The following CUL9 variants were observed in gnomAD, a reference collection of about 807,000 sequenced individuals.
CUL9 encodes the protein cullin-9.
Under a neutral mutation model 272.6 loss-of-function variants are expected in CUL9, and 79 were observed. That is an observed-to-expected ratio of 0.29 (90% CI 0.24 to 0.35). The LOEUF (loss-of-function observed/expected upper bound fraction) is 0.35. Ranked by LOEUF, CUL9 falls within the 10% of genes least tolerant of loss-of-function variation. The pLI, the probability that CUL9 is intolerant of heterozygous loss-of-function variation, is 1.00. For synonymous variants in CUL9, 1,186 were observed against 1,286.5 expected (o/e 0.92, Z 1.67); for missense variants, 2,532 against 3,255.6 (o/e 0.78, Z 5.41).
chr6:43,203,963 C>T lies in CUL9; in HGVS notation c.4135C>T (p.Leu1379=). Residue 1379 remains leucine, a synonymous_variant, in exon 20 of 41, where the codon CTG becomes TTG. Coordinates refer to ENST00000252050, the MANE Select transcript of CUL9 (RefSeq NM_015089.4). The surrounding 1 kb of genome is among the most constrained non-coding windows in gnomAD (Gnocchi z 5.0). The part of the protein sequence containing the change: ...KTCWEALVSP[L]VQNITSPDAE... ...CTGCTGGGAGGCCCTGGTCAGCCCC[C>T]TGGTGCAGAACATCACCTCTCCCGG... is the stretch of plus-strand genomic sequence containing the variant. 2 of 1,608,670 alleles carry T rather than the reference C, an allele frequency of 1.2e-6. No individual in the cohort carries two copies. Among genetic ancestry groups the T allele is most frequent in the South Asian group, 1.1e-5 (1 of 90,828 alleles).
chr6:43,206,029 C>A lies in CUL9; in HGVS notation c.4816C>A (p.Leu1606Met). Residue 1606 changes from leucine (L) to methionine (M), a missense_variant, in exon 25 of 41, where the codon CTG becomes ATG. Leu to Met is a conservative substitution (Grantham distance 15, BLOSUM62 2). Transcript: ENST00000252050. The surrounding 1 kb of genome is among the most constrained non-coding windows in gnomAD (Gnocchi z 4.8). Reference protein sequence around the residue: ...FYQHYMADRLLSFGSSWLEGA... With the variant: ...FYQHYMADRLMSFGSSWLEGA... ...CAGGCATTATATGGCGGACCGTCTC[C>A]TGAGCTTTGGTTCGAGCTGGCTGGA... The A allele has an allele frequency of 6.2e-7, 1 of 1,613,982 alleles. No homozygotes were observed. The highest frequency in any genetic ancestry group is 8.5e-7 in the Non-Finnish European group (1 of 1,179,880).
chr6:43,210,043 T>C (rs1775350844), intron 26 of CUL9, among the ~76,000 whole-genome samples: 1 of 152,144 alleles, frequency 6.6e-6, no homozygotes, highest in Admixed American at 6.6e-5. Context: ...AATGGTGCGA[T>C]CTCAGCTCAC....
Position 43,213,809 on chromosome 6 carries a change from G to C in CUL9, c.5585G>C (p.Gly1862Ala), listed in dbSNP as rs1220015937. The change falls in exon 29 of 41, where the codon GGC becomes GCC. Residue 1862 changes from glycine (G) to alanine (A), a missense_variant. Around this residue, in one of 3 missense-constraint regions of CUL9, gnomAD observed 2,218 missense variants for 2,788.6 expected, o/e 0.80. Coordinates refer to ENST00000252050, the MANE Select transcript of CUL9 (RefSeq NM_015089.4). This position sits in a 1 kb window ranked among gnomAD's most constrained non-coding sequence, Gnocchi z 5.7. ...TACCTGAACGTAGAGAAGGATGAAGGCCGAACCCTGGAACAGAAGAGGAAT... is the reference window on the plus strand; with the variant it reads ...TACCTGAACGTAGAGAAGGATGAAGCCCGAACCCTGGAACAGAAGAGGAAT... Reference protein sequence around the residue: ...QAYLNVEKDEGRTLEQKRNLL... With the variant: ...QAYLNVEKDEARTLEQKRNLL... 31 of 1,614,188 alleles carry C rather than the reference G, an allele frequency of 1.9e-5. No homozygotes were observed. The highest frequency in any genetic ancestry group is 2.4e-5 in the Non-Finnish European group (28 of 1,180,038).
chr6:43,215,245 C>T lies in CUL9; in HGVS notation c.5855C>T (p.Ala1952Val), dbSNP rs867850756. ...GACCGGCCCCAGATCCTGATGTATGCCGCTCCAGAGCCCATGGGGCCCTGC... is the reference window on the plus strand; with the variant it reads ...GACCGGCCCCAGATCCTGATGTATGTCGCTCCAGAGCCCATGGGGCCCTGC... ...RDDRPQILMY[A>V]APEPMGPCRG... is the part of the protein sequence containing the mutation. The change falls in exon 30 of 41, where the codon GCC (alanine) becomes GTC (valine). Residue 1952 changes from alanine (A) to valine (V), a missense_variant. Physicochemically the swap from Ala to Val is moderately conservative, Grantham distance 64. This residue lies in a region of CUL9 where 2,218 missense variants were observed against 2,788.6 expected (regional missense o/e 0.80). Transcript: ENST00000252050. 2 of 1,614,170 alleles carry T rather than the reference C, an allele frequency of 1.2e-6. No individual in the cohort carries two copies. The highest frequency in any genetic ancestry group is 1.7e-6 in the Non-Finnish European group (2 of 1,180,032).
In CUL9 at chr6:43,223,395, C is replaced by A; in HGVS notation, c.7282C>A (p.Gln2428Lys). 1 of 1,594,182 alleles carries A rather than the reference C, an allele frequency of 6.3e-7. No homozygotes were observed. The highest frequency in any genetic ancestry group is 8.5e-7 in the Non-Finnish European group (1 of 1,169,750). ...RLLAILQHSA[Q>K]DFRVGLQSPS... ...GCTTGCCATCCTGCAGCATTCTGCCCAGGTACTGCCCGGCCCAGACCCCTT... is the reference window on the plus strand; with the variant it reads ...GCTTGCCATCCTGCAGCATTCTGCCAAGGTACTGCCCGGCCCAGACCCCTT... Residue 2428 changes from glutamine (Q) to lysine (K), a missense_variant and splice_region_variant, in exon 39 of 41, where the codon CAG becomes AAG. Coordinates refer to ENST00000252050, the MANE Select transcript of CUL9 (RefSeq NM_015089.4). The surrounding 1 kb of genome is among the most constrained non-coding windows in gnomAD (Gnocchi z 4.1).
Position 43,203,231 on chromosome 6 carries a change from G to A in CUL9, c.3849+27G>A. 1 of 1,610,108 alleles carries A rather than the reference G, an allele frequency of 6.2e-7. No homozygotes were observed. The highest frequency in any genetic ancestry group is 8.5e-7 in the Non-Finnish European group (1 of 1,176,470). On this transcript the variant is annotated intron_variant, in intron 18 of 40. Transcript: ENST00000252050. The surrounding 1 kb of genome is among the most constrained non-coding windows in gnomAD (Gnocchi z 5.0). Reference sequence around the variant, plus strand: ...TGGTGTTAGGGTGTCAGCCAGGGCTGAGGAGGAGGAGGTGGCACACAAGTT... The same window carrying A: ...TGGTGTTAGGGTGTCAGCCAGGGCTAAGGAGGAGGAGGTGGCACACAAGTT...
intron 8 of CUL9, among the ~76,000 whole-genome samples, chr6:43,190,152 G>A (rs1052599883): frequency 6.6e-6 from 1 of 151,984 alleles, no homozygotes; most frequent in African/African-American, 2.4e-5. Flanking sequence ...GTGTTCTAAC[G>A]CGTCTGTTTT....
chr6:43,201,800 G>A (rs375222204), intron 16 of CUL9, among the ~76,000 whole-genome samples: 3 of 152,308 alleles, frequency 2.0e-5, no homozygotes, highest in African/African-American at 7.2e-5. Flanking sequence ...ATGTCTAAGT[G>A]GCGGAAGATA....
rs1014046800 is a variant in CUL9 at position 43,187,867 on chromosome 6, C to A, written c.1736C>A (p.Pro579Gln). ...YTKYGLLSNE[P>Q]SSSSTSRNHS... ...AAGTATGGGCTGCTGTCTAATGAAC[C>A]AAGCAGCTCGTCTACTTCACGAAAT... The change falls in exon 7 of 41, where the codon CCA (proline) becomes CAA (glutamine). Residue 579 changes from proline (P) to glutamine (Q), a missense_variant. Around this residue, in one of 3 missense-constraint regions of CUL9, gnomAD observed 2,218 missense variants for 2,788.6 expected, o/e 0.80. Transcript: ENST00000252050. The A allele has an allele frequency of 6.2e-7, 1 of 1,614,030 alleles. No individual in the cohort carries two copies.
chr6:43,198,915 CT>C (rs1259368530), intron 12 of CUL9, 60 bp downstream of exon 12: 39 of 1,522,640 alleles, frequency 2.6e-5, no homozygotes, highest in Non-Finnish European at 3.3e-5. Context: ...ACTTCAGGGA[CT>C]TCACTTGTTT....
chr6:43,200,098 A>G lies in CUL9; in HGVS notation c.3326A>G (p.Glu1109Gly), dbSNP rs376804107. Residue 1109 changes from glutamate (E) to glycine (G), a missense_variant, in exon 14 of 41, where the codon GAG becomes GGG. Glu to Gly is a moderately conservative substitution (Grantham distance 98). Transcript: ENST00000252050. This position sits in a 1 kb window ranked among gnomAD's most constrained non-coding sequence, Gnocchi z 4.0. ...CTTCGGGACCTGGTGACAGAGTGTG[A>G]GAAGTACGCACAGCTCTATAGCAAC... is the stretch of plus-strand genomic sequence containing the variant. ...CELRDLVTEC[E>G]KYAQLYSNLT... 3.1e-6 allele frequency: 5 copies of G among 1,614,068 alleles called. No individual in the cohort carries two copies. The highest frequency in any genetic ancestry group is 1.3e-5 in the African/African-American group (1 of 74,930).
At chr6:43,193,483 C>G (rs1398860550) in intron 9 of CUL9, among the ~76,000 whole-genome samples, 1 of 152,210 alleles carries the variant, frequency 6.6e-6, no homozygotes, top group African/African-American at 2.4e-5. Context: ...ATCCTCCCAC[C>G]TCAGCCTCCC....
intron 3 of CUL9, 46 bp from the exon 4 acceptor site, chr6:43,185,909 T>C (rs763215576): frequency 1.9e-6 from 3 of 1,548,066 alleles, no homozygotes; most frequent in Non-Finnish European, 2.6e-6. Context: ...GGGGAGAGGC[T>C]AAAGCCAGGA....
rs1776327432 is a variant in CUL9 at position 43,221,096 on chromosome 6, T to C, written c.6589-62T>C. On this transcript the variant is annotated intron_variant, in intron 33 of 40. Transcript: ENST00000252050. This position sits in a 1 kb window ranked among gnomAD's most constrained non-coding sequence, Gnocchi z 4.2. ...TCTGTGCCTGCTCCCCTCTCTCCTG[T>C]GCACACCAGCCATGCTGCCCTCACG... The C allele has an allele frequency of 6.3e-7, 1 of 1,578,742 alleles. No individual in the cohort carries two copies. Among genetic ancestry groups the C allele is most frequent in the Admixed American group, 1.8e-5 (1 of 56,530 alleles).
intron 29 of CUL9, among the ~76,000 whole-genome samples, chr6:43,214,393 G>A (rs1363401814): frequency 1.3e-5 from 2 of 152,140 alleles, no homozygotes; most frequent in African/African-American, 4.8e-5. Context: ...CCCCAGCCTG[G>A]GCAACAGAGC....
At position 43,204,818 on chromosome 6, in the gene CUL9, G is replaced by A. The variant is rs771914412; in HGVS notation, c.4410G>A (p.Arg1470=). 6.2e-7 allele frequency: 1 copy of A among 1,614,222 alleles called. No homozygotes were observed. Among genetic ancestry groups the A allele is most frequent in the Non-Finnish European group, 8.5e-7 (1 of 1,180,040 alleles). ...CAGTGCTTCCAAGCAGCAGCCTGAG[G>A]AACATAACCCAGTGCTGGCTGAGCG... is the stretch of plus-strand genomic sequence containing the variant. ...PSPVLPSSSL[R]NITQCWLSVV... is the part of the protein sequence containing the mutation. The change falls in exon 22 of 41, where the codon AGG becomes AGA. Residue 1470 remains arginine (R), a synonymous_variant. Transcript: ENST00000252050.
chr6:43,184,284 T>C lies in CUL9; in HGVS notation c.-9-18T>C. 5 of 1,431,510 alleles carry C rather than the reference T, an allele frequency of 3.5e-6. No homozygotes were observed. The highest frequency in any genetic ancestry group is 4.6e-6 in the Non-Finnish European group (5 of 1,082,876). The allele number at this position is 1,431,510 out of a possible 1,614,324, so 88.7% of individuals were successfully genotyped here. A position where few individuals can be genotyped will look rare whatever the true frequency, so the allele number is the denominator to read the frequency against. On this transcript the variant is annotated intron_variant, in intron 1 of 40. Transcript: ENST00000252050. This position sits in a 1 kb window ranked among gnomAD's most constrained non-coding sequence, Gnocchi z 4.8. ...TTCTTTTCTCATACTGCCTTATCTTTCTCCTTGTGTATCCCAGGAGGTCAG... is the reference window on the plus strand; with the variant it reads ...TTCTTTTCTCATACTGCCTTATCTTCCTCCTTGTGTATCCCAGGAGGTCAG...
Position 43,204,982 on chromosome 6 carries a change from G to A in CUL9, c.4499G>A (p.Arg1500His), listed in dbSNP as rs774667934. ...TGGAGGGCCCCAGACTTTGTGCCTC[G>A]TTACTGTAAACTCTATGAGCACTTG... The part of the protein sequence containing the change: ...AAWRAPDFVP[R>H]YCKLYEHLQR... Residue 1500 changes from arginine to histidine, a missense_variant, in exon 23 of 41, where the codon CGT (arginine) becomes CAT (histidine). Physicochemically the swap from Arg to His is conservative, Grantham distance 29. Coordinates refer to ENST00000252050, the MANE Select transcript of CUL9 (RefSeq NM_015089.4). 11 of 1,612,312 alleles carry A rather than the reference G, an allele frequency of 6.8e-6. No individual in the cohort carries two copies. The highest frequency in any genetic ancestry group is 3.3e-5 in the Admixed American group (2 of 59,832).
At chr6:43,207,682 A>C (rs1775156754) in intron 26 of CUL9, among the ~76,000 whole-genome samples, 1 of 152,078 alleles carries the variant, frequency 6.6e-6, no homozygotes, top group Non-Finnish European at 1.5e-5. Context: ...TTCTTTGTTT[A>C]ATTTTTTTTT....
Sources: allele counts gnomAD v4.1 joint callset (sites outside exome capture counted in the v4.1 genomes callset), GRCh38; gene constraint gnomAD v4.1.1; regional missense constraint gnomAD v4.1.1; non-coding constraint Gnocchi (gnomAD v3.1); transcripts MANE v1.5; gene names NCBI Gene and HGNC (gene_info 2026-07-23, HGNC 2026-07-21).